The following GLIS3 variants were observed in gnomAD, a reference collection of about 807,000 sequenced individuals.
The protein encoded by GLIS3 is GLIS family zinc finger 3.
In GLIS3, 53 loss-of-function variants were observed where a neutral mutation model predicts 78.6. That is an observed-to-expected ratio of 0.67 (90% CI 0.54 to 0.85). The LOEUF (loss-of-function observed/expected upper bound fraction) is 0.85, where lower values mean the gene tolerates loss of function less well. GLIS3 is among the 40% of genes least tolerant of loss of function. The pLI is 0.00. For missense variants in GLIS3, 1,703 were observed against 1,231.1 expected (o/e 1.38, Z -5.74); for synonymous variants, 684 against 509.9 (o/e 1.34, Z -4.60).
chr9:4,433,897 C>T, the GLIS3 span, among the ~76,000 whole-genome samples: 3,998 of 152,222 alleles, frequency 0.026, 170 homozygotes, highest in African/African-American at 0.092. Context: ...GAGTTAGAGA[C>T]CATCCTGGCC....
intron 4 of GLIS3, among the ~76,000 whole-genome samples, chr9:4,096,906 G>A (rs1486183516): frequency 6.6e-6 from 1 of 152,158 alleles, no homozygotes; most frequent in East Asian, 1.9e-4. Context: ...CAGCTACTCG[G>A]GAGGCTGAGG....
chr9:4,294,670 T>C (rs1816326722), intron 1 of GLIS3, among the ~76,000 whole-genome samples: 1 of 151,634 alleles, frequency 6.6e-6, no homozygotes, highest in African/African-American at 2.4e-5. Context: ...TTGCCTGTGT[T>C]TCACTTTCCT....
chr9:3,898,292 C>G (rs1823011401), intron 7 of GLIS3: 1 of 284,380 alleles, frequency 3.5e-6, no homozygotes, highest in African/African-American at 2.2e-5. Context: ...CCTTAGAGAC[C>G]TGGGGCTTCC....
chr9:4,138,638 C>G (rs750068422), intron 2 of GLIS3, among the ~76,000 whole-genome samples: 1 of 152,088 alleles, frequency 6.6e-6, no homozygotes, highest in Non-Finnish European at 1.5e-5. Flanking sequence ...GACACTAGGG[C>G]CAGAATAGCT....
At chr9:4,369,627 C>T in the GLIS3 span, among the ~76,000 whole-genome samples, 10 of 152,234 alleles carry the variant, frequency 6.6e-5, no homozygotes, top group Non-Finnish European at 1.5e-4. Flanking sequence ...AAGCAGTTAT[C>T]CCTCTTAGCC....
chr9:3,917,667 T>C lies in GLIS3; in HGVS notation c.1983+14693A>G, dbSNP rs531706699. 9.9e-4 allele frequency among the ~76,000 whole-genome samples: 150 copies of C among 152,180 alleles called. 1 individual carries two copies. Among genetic ancestry groups the C allele is most frequent in the African/African-American group, 3.4e-3 (142 of 41,532 alleles). On this transcript the variant is annotated intron_variant, in intron 6 of 10. Coordinates refer to ENST00000381971, the MANE Select transcript of GLIS3 (RefSeq NM_001042413.2). ...TGCCTTGTCATCTATTGGTTTCAAG[T>C]TATTCCTTTATTCCCCAGGGCCCCA...
At chr9:4,065,135 T>C (rs531094984) in intron 4 of GLIS3, among the ~76,000 whole-genome samples, 49 of 152,278 alleles carry the variant, frequency 3.2e-4, no homozygotes, top group African/African-American at 1.1e-3. Flanking sequence ...AGATTTCTGA[T>C]TTTTCCCAGA....
In GLIS3 at chr9:3,825,640, T is replaced by G. The variant is rs931226227; in HGVS notation, c.*2632A>C. The G allele has an allele frequency of 6.6e-6, 1 of 152,210 alleles. No individual in the cohort carries two copies. The highest frequency in any genetic ancestry group is 2.4e-5 in the African/African-American group (1 of 41,452). 9.4% of individuals were successfully genotyped at this position (152,210 alleles called of 1,614,324 possible). On this transcript the variant is annotated 3_prime_UTR_variant, in exon 11 of 11. Coordinates refer to ENST00000381971, the MANE Select transcript of GLIS3 (RefSeq NM_001042413.2). ...ACTTGTACTGCTGCAAAAATAATGA[T>G]GAATATATATATAAATCTTCTGCAG...
At position 3,841,461 on chromosome 9, in the gene GLIS3, C is replaced by A. The variant is rs140139778; in HGVS notation, c.2474-11969G>T. Among the ~76,000 whole-genome samples the A allele has an allele frequency of 6.9e-3, 1,046 of 152,292 alleles. 2 individuals carry two copies. The highest frequency in any genetic ancestry group is 0.01 in the Non-Finnish European group (700 of 68,032). ...TATGATCCCTATTTATAAAAAGAGA[C>A]AGTAACACTCACATGGCATCAGAAT... is the stretch of plus-strand genomic sequence containing the variant. On this transcript the variant is annotated intron_variant, in intron 9 of 10. Transcript: ENST00000381971.
At chr9:4,362,597 T>C in the GLIS3 span, among the ~76,000 whole-genome samples, 1 of 152,354 alleles carries the variant, frequency 6.6e-6, no homozygotes, top group South Asian at 2.1e-4. Flanking sequence ...ATGTGTTTGC[T>C]GCCTTCAAGG....
chr9:3,874,963 G>A (rs956761191), intron 8 of GLIS3, among the ~76,000 whole-genome samples: 1 of 152,148 alleles, frequency 6.6e-6, no homozygotes, highest in Non-Finnish European at 1.5e-5. Context: ...GCCTTCTTCA[G>A]AATGAAGAGA....
chr9:4,321,631 C>T (rs1308271892), intron 2 of GLIS3, among the ~76,000 whole-genome samples: 1 of 114,138 alleles, frequency 8.8e-6, no homozygotes, highest in Non-Finnish European at 1.6e-5. Context: ...ACTTACATGT[C>T]TCTTTGTGAA....
upstream of GLIS3, among the ~76,000 whole-genome samples, chr9:4,301,391 T>A (rs909541005): frequency 6.6e-6 from 1 of 152,190 alleles, no homozygotes; most frequent in Non-Finnish European, 1.5e-5. Flanking sequence ...AAAATACTCA[T>A]AAAATGAAGC....
rs755946110 is a variant in GLIS3 at position 4,117,927 on chromosome 9, G to C, written c.1551C>G (p.Leu517=). 5.0e-6 allele frequency: 8 copies of C among 1,614,112 alleles called. No individual in the cohort carries two copies. In the South Asian group the frequency reaches 8.8e-5, roughly 18 times the overall value. Reference sequence around the variant, plus strand: ...TGTGGACCTTCTCGATGTGCCGCACGAGCTCCTCCTGCTGGTCGTACAGGG... The same window carrying C: ...TGTGGACCTTCTCGATGTGCCGCACCAGCTCCTCCTGCTGGTCGTACAGGG... ...CSALYDQQEE[L]VRHIEKVHID... The change falls in exon 4 of 11, where the codon CTC becomes CTG. Residue 517 remains leucine, a synonymous_variant. Transcript: ENST00000381971.
At chr9:4,310,923 G>A (rs1019935217) in intron 2 of GLIS3, among the ~76,000 whole-genome samples, 3 of 152,172 alleles carry the variant, frequency 2.0e-5, no homozygotes, top group East Asian at 1.9e-4. Context: ...GTCTAAAATC[G>A]TAGTCTGAAG....
intron 2 of GLIS3, among the ~76,000 whole-genome samples, chr9:4,171,386 T>C (rs1816362495): frequency 6.6e-6 from 1 of 152,184 alleles, no homozygotes; most frequent in African/African-American, 2.4e-5. Context: ...GATTGAAATT[T>C]AACCTATCAC....
At chr9:4,068,414 T>C (rs899214161) in intron 4 of GLIS3, among the ~76,000 whole-genome samples, 1 of 152,062 alleles carries the variant, frequency 6.6e-6, no homozygotes, top group African/African-American at 2.4e-5. Context: ...AAAACAAGAT[T>C]TATAACTTCC....
At chr9:4,009,603 T>G (rs1554670654) in intron 4 of GLIS3, among the ~76,000 whole-genome samples, 1 of 152,178 alleles carries the variant, frequency 6.6e-6, no homozygotes, top group Non-Finnish European at 1.5e-5. Context: ...CCAAAGGTTG[T>G]TCTAATGCTC....
At chr9:3,878,697 C>T (rs557921085) in intron 8 of GLIS3, 2 of 152,532 alleles carry the variant, frequency 1.3e-5, no homozygotes, top group East Asian at 3.9e-4. Flanking sequence ...TGTTGGACAG[C>T]TCGGAGAGGA....
Sources: allele counts gnomAD v4.1 joint callset (sites outside exome capture counted in the v4.1 genomes callset), GRCh38; gene constraint gnomAD v4.1.1; transcripts MANE v1.5; gene names NCBI Gene and HGNC (gene_info 2026-07-23, HGNC 2026-07-21).